The following SLC25A48 variants were observed in gnomAD, a reference collection of about 807,000 sequenced individuals.
SLC25A48 encodes CTC-321K16.1.
A neutral mutation model predicts 32.2 loss-of-function variants in SLC25A48; 29 were observed. The observed-to-expected ratio is 0.90, with a 90% CI of 0.67 to 1.23. SLC25A48 has a LOEUF of 1.23. SLC25A48 is among the 50% of genes most tolerant of loss of function. The pLI is 0.00. For missense variants in SLC25A48, 399 were observed against 422.7 expected, an observed-to-expected ratio of 0.94 and a Z score of 0.49; for synonymous variants, 164 against 172.3, an observed-to-expected ratio of 0.95 and a Z score of 0.38.
In SLC25A48 at chr5:135,732,409, A is replaced by G. The variant is rs375567374; in HGVS notation, c.-520-80114A>G. On this transcript the variant is annotated intron_variant, in intron 3 of 10. Coordinates refer to the SLC25A48 transcript ENST00000646290. ...CTGTGGGAAATGCCTCTACCTATCCAGTGATAGTGTCTACCCAGACCAGAG... is the reference window on the plus strand; with the variant it reads ...CTGTGGGAAATGCCTCTACCTATCCGGTGATAGTGTCTACCCAGACCAGAG... 1.6e-4 allele frequency among the ~76,000 whole-genome samples: 25 copies of G among 152,282 alleles called. No individual in the cohort carries two copies. The East Asian group carries it at 4.2e-3, about 26-fold the overall frequency.
At chr5:135,839,969 A>G (rs1044258775) in intron 1 of SLC25A48, among the ~76,000 whole-genome samples, 1 of 152,150 alleles carries the variant, frequency 6.6e-6, no homozygotes, top group Non-Finnish European at 1.5e-5. Flanking sequence ...AGTTGATTAA[A>G]CTTCTTTCCT....
intron 1 of SLC25A48, among the ~76,000 whole-genome samples, chr5:135,835,481 C>A (rs1180058644): frequency 2.0e-5 from 3 of 152,130 alleles, no homozygotes; most frequent in African/African-American, 7.2e-5. Context: ...ACCTCCAAGG[C>A]CCCTTCTCCG....
At chr5:135,634,279 C>G (rs146448204) in intron 2 of SLC25A48, among the ~76,000 whole-genome samples, 1 of 152,208 alleles carries the variant, frequency 6.6e-6, no homozygotes, top group Admixed American at 6.5e-5. Flanking sequence ...TCCTGCAACC[C>G]AGTGTACCAA....
intron 4 of SLC25A48, among the ~76,000 whole-genome samples, chr5:135,814,497 G>C (rs999256448): frequency 6.6e-6 from 1 of 152,182 alleles, no homozygotes; most frequent in Non-Finnish European, 1.5e-5. Context: ...TGGGTCAGAT[G>C]GTCCCTGTTA....
chr5:135,798,897 T>C (rs1290796625), intron 3 of SLC25A48, among the ~76,000 whole-genome samples: 1 of 151,454 alleles, frequency 6.6e-6, no homozygotes, highest in African/African-American at 2.4e-5. Flanking sequence ...GGGATGACGA[T>C]GATATTGCTG....
At chr5:135,820,521 T>C (rs943570449) in intron 4 of SLC25A48, among the ~76,000 whole-genome samples, 18 of 152,188 alleles carry the variant, frequency 1.2e-4, no homozygotes, top group Admixed American at 2.0e-4. Flanking sequence ...CTCAATGAAG[T>C]TGAATTTTTA....
At chr5:135,777,783 CCG>C (rs1756605087) in intron 3 of SLC25A48, among the ~76,000 whole-genome samples, 1 of 56,316 alleles carries the variant, frequency 1.8e-5, no homozygotes, top group Admixed American at 1.7e-4. Flanking sequence ...TTCCTAATAT[CCG>C]GGGGGGGGGG....
intron 7 of SLC25A48, among the ~76,000 whole-genome samples, chr5:135,886,691 AGAGAGAGAGAGT>A (rs1162726991): frequency 4.3e-5 from 6 of 140,470 alleles, no homozygotes; most frequent in African/African-American, 1.6e-4. Context: ...AGAGAGAGAG[AGAGAGAGAGAGT>A]GTGTGTGTGT....
intron 7 of SLC25A48, among the ~76,000 whole-genome samples, chr5:135,886,268 A>T (rs143661804): frequency 0.013 from 1,912 of 151,836 alleles, 44 homozygotes; most frequent in African/African-American, 0.044. Context: ...GCCCAGCCTC[A>T]GCCCAGCTCT....
chr5:135,604,625 G>A (rs1751888529), intron 1 of SLC25A48, among the ~76,000 whole-genome samples: 1 of 152,210 alleles, frequency 6.6e-6, no homozygotes, highest in Non-Finnish European at 1.5e-5. Context: ...TGAGATAACT[G>A]ATGTTTGGGA....
intron 3 of SLC25A48, among the ~76,000 whole-genome samples, chr5:135,753,803 T>C (rs1755829855): frequency 6.6e-6 from 1 of 151,900 alleles, no homozygotes; most frequent in African/African-American, 2.4e-5. Context: ...GATACCGCAC[T>C]GTGATATTAG....
At chr5:135,650,360 C>A (rs1184399828) in intron 3 of SLC25A48, 1 of 452,204 alleles carries the variant, frequency 2.2e-6, no homozygotes, top group Non-Finnish European at 4.4e-6. Flanking sequence ...ACGGACATTG[C>A]CAGCATTCAA....
At chr5:135,885,026 C>T (rs1006266316) in intron 7 of SLC25A48, among the ~76,000 whole-genome samples, 3 of 152,278 alleles carry the variant, frequency 2.0e-5, no homozygotes, top group East Asian at 3.9e-4. Context: ...CCACCAATCC[C>T]ATTTGATAAT....
chr5:135,763,359 T>G (rs1333699704), intron 3 of SLC25A48, among the ~76,000 whole-genome samples: 1 of 151,914 alleles, frequency 6.6e-6, no homozygotes, highest in Non-Finnish European at 1.5e-5. Context: ...CCTCCTGAGT[T>G]GAGAACTTCA....
chr5:135,853,868 T>G (rs1391873624), intron 4 of SLC25A48, among the ~76,000 whole-genome samples: 1 of 152,216 alleles, frequency 6.6e-6, no homozygotes, highest in Non-Finnish European at 1.5e-5. Context: ...CTATGGCAAC[T>G]ATAGCCTTAA....
At chr5:135,857,075 G>A (rs1760390899) in intron 4 of SLC25A48, among the ~76,000 whole-genome samples, 2 of 152,220 alleles carry the variant, frequency 1.3e-5, no homozygotes, top group South Asian at 4.1e-4. Context: ...GCAAGTATCT[G>A]TTGGGGGCCC....
chr5:135,632,216 G>A lies in SLC25A48; in HGVS notation c.-708-2553G>A, dbSNP rs568476801. On this transcript the variant is annotated intron_variant, in intron 2 of 10. Transcript: ENST00000646290. ...TACAGTGCGTAGGCTTTGTCTTGAG[G>A]GCCATGGGGAGCCACTAAAAGGTTT... 3.9e-5 allele frequency among the ~76,000 whole-genome samples: 6 copies of A among 152,334 alleles called. No individual in the cohort carries two copies. The East Asian group carries it at 1.2e-3, about 29-fold the overall frequency.
In SLC25A48 at chr5:135,587,395, A is replaced by G. The variant is rs137893605; in HGVS notation, c.-849+7798A>G. Among the ~76,000 whole-genome samples the G allele has an allele frequency of 5.9e-5, 9 of 152,324 alleles. No homozygotes were observed. The East Asian group carries it at 1.7e-3, about 29-fold the overall frequency. On this transcript the variant is annotated intron_variant, in intron 1 of 10. Coordinates refer to the SLC25A48 transcript ENST00000646290. ...TTTGCCTTCTGAAAAAATGTAATGCACAGATGGAAAAGAAAAAATGTTCTC... is the reference window on the plus strand; with the variant it reads ...TTTGCCTTCTGAAAAAATGTAATGCGCAGATGGAAAAGAAAAAATGTTCTC...
chr5:135,738,847 C>T (rs750720996), intron 3 of SLC25A48, among the ~76,000 whole-genome samples: 5 of 152,084 alleles, frequency 3.3e-5, no homozygotes, highest in African/African-American at 1.2e-4. Context: ...TTTGGGAGGC[C>T]GAGGCAGGCG....
Sources: gnomAD v4.1 joint callset for allele counts (sites outside exome capture counted in the v4.1 genomes callset) on GRCh38, gnomAD v4.1.1 for gene constraint, MANE v1.5 for transcripts, NCBI Gene and HGNC (gene_info 2026-07-23, HGNC 2026-07-21) for gene names.